Variants in DPP6 observed in about 807,000 individuals in gnomAD.
DPP6 encodes A-type potassium channel modulatory protein DPP6.
A neutral mutation model predicts 122.6 loss-of-function variants in DPP6; 69 were observed. The observed-to-expected ratio is 0.56, with a 90% CI of 0.46 to 0.69. The LOEUF (loss-of-function observed/expected upper bound fraction) is 0.69. DPP6 is among the 30% of genes least tolerant of loss of function. The pLI is 0.00. For synonymous variants in DPP6, 418 were observed against 433.1 expected (o/e 0.97, Z 0.43); for missense variants, 928 against 1,116.9 (o/e 0.83, Z 2.41).
intron 1 of DPP6, 92 bp downstream of exon 1, chr7:154,053,155 G>T (rs886738321): frequency 1.2e-6 from 1 of 801,526 alleles, no homozygotes; most frequent in Non-Finnish European, 1.5e-6. Flanking sequence ...TTTTTGGGGG[G>T]GGAATCAGGC....
chr7:154,334,322 G>A (rs975650821), intron 1 of DPP6, among the ~76,000 whole-genome samples: 3 of 152,314 alleles, frequency 2.0e-5, no homozygotes, highest in Non-Finnish European at 4.4e-5. Context: ...GGAAGGGAAA[G>A]CAGTAAGATG....
At chr7:154,536,098 T>C (rs2130184745) in intron 3 of DPP6, among the ~76,000 whole-genome samples, 1 of 152,336 alleles carries the variant, frequency 6.6e-6, no homozygotes. Flanking sequence ...TCCTATAGAT[T>C]ACTCCTTTGT....
At chr7:154,127,638 C>CACACACAG (rs1808013178) in intron 1 of DPP6, among the ~76,000 whole-genome samples, 5 of 109,094 alleles carry the variant, frequency 4.6e-5, no homozygotes, top group African/African-American at 1.7e-4. Flanking sequence ...CACACAGACA[C>CACACACAG]ACACACACAC....
chr7:154,118,366 G>A (rs1176563707), intron 1 of DPP6, among the ~76,000 whole-genome samples: 1 of 148,728 alleles, frequency 6.7e-6, no homozygotes, highest in African/African-American at 2.5e-5. Flanking sequence ...GGATGTGGTG[G>A]AAAATTGGGT....
intron 7 of DPP6, among the ~76,000 whole-genome samples, chr7:154,684,816 A>G (rs1208890533): frequency 6.6e-6 from 1 of 152,240 alleles, no homozygotes; most frequent in African/African-American, 2.4e-5. Context: ...GTTTAGTGGA[A>G]CTTGAGTCTT....
At chr7:154,127,606 C>CAT in intron 1 of DPP6, among the ~76,000 whole-genome samples, 1 of 59,794 alleles carries the variant, frequency 1.7e-5, no homozygotes, top group African/African-American at 6.4e-5. Context: ...CTCACACACA[C>CAT]ACACACACAC....
intron 1 of DPP6, among the ~76,000 whole-genome samples, chr7:153,942,843 C>A (rs142643993): frequency 6.6e-6 from 1 of 152,184 alleles, no homozygotes; most frequent in Non-Finnish European, 1.5e-5. Flanking sequence ...TTTTACCTGT[C>A]GCCTGCTTAT....
intron 16 of DPP6, among the ~76,000 whole-genome samples, chr7:154,812,217 G>A (rs1371776183): frequency 2.6e-5 from 4 of 152,170 alleles, no homozygotes; most frequent in African/African-American, 9.7e-5. Context: ...ATAAAATCAT[G>A]AAATTATAAC....
rs71182894 is a variant in DPP6 at position 154,320,001 on chromosome 7, A to AATATATATATAT, written c.244-126194_244-126183dup. Among the ~76,000 whole-genome samples, 868 of 139,110 alleles carry AATATATATATAT rather than the reference A, an allele frequency of 6.2e-3. 9 individuals carry two copies. Among genetic ancestry groups the AATATATATATAT allele is most frequent in the African/African-American group, 0.021 (747 of 36,034 alleles). The allele number at this position is 139,110 out of a possible 152,430, so 91.3% of individuals were successfully genotyped here. A position where few individuals can be genotyped will look rare whatever the true frequency, so the allele number is the denominator to read the frequency against. On this transcript the variant is annotated intron_variant, in intron 1 of 25. Coordinates refer to ENST00000377770, the MANE Select transcript of DPP6 (RefSeq NM_130797.4). ...GCAAGACTCTGTCTCAAATATTTCA[A>AATATATATATAT]ATATATATATATATATATATATATA... is the stretch of plus-strand genomic sequence containing the variant.
intron 1 of DPP6, among the ~76,000 whole-genome samples, chr7:154,100,273 GA>G (rs564492341): frequency 1.1e-5 from 1 of 91,868 alleles, no homozygotes. Flanking sequence ...AACATACACT[GA>G]AAAAAAAATC....
chr7:154,060,363 A>AGGATGC (rs1340618126), intron 1 of DPP6, among the ~76,000 whole-genome samples: 1 of 113,572 alleles, frequency 8.8e-6, no homozygotes. Context: ...AGGGACTGAG[A>AGGATGC]GCCAGCCCCT....
intron 2 of DPP6, among the ~76,000 whole-genome samples, chr7:154,465,027 C>T (rs1821663856): frequency 6.6e-6 from 1 of 152,058 alleles, no homozygotes; most frequent in Non-Finnish European, 1.5e-5. Context: ...AAAAATTATA[C>T]CAATATACTG....
intron 1 of DPP6, among the ~76,000 whole-genome samples, chr7:154,369,652 C>T (rs752398088): frequency 4.6e-5 from 7 of 152,204 alleles, no homozygotes; most frequent in Non-Finnish European, 1.0e-4. Context: ...AGGCGTGAGC[C>T]ACCACACCCA....
At chr7:154,785,808 G>A (rs1205912533) in intron 10 of DPP6, among the ~76,000 whole-genome samples, 2 of 152,170 alleles carry the variant, frequency 1.3e-5, no homozygotes, top group African/African-American at 4.8e-5. Context: ...ATAGAGCTAA[G>A]GAGTGCCCTG....
intron 2 of DPP6, among the ~76,000 whole-genome samples, chr7:154,460,173 G>C (rs1450740144): frequency 2.0e-5 from 3 of 151,700 alleles, no homozygotes; most frequent in Non-Finnish European, 2.9e-5. Context: ...ATAGAGACGG[G>C]GTTTCGCGAT....
intron 1 of DPP6, among the ~76,000 whole-genome samples, chr7:154,102,352 G>A (rs1805802736): frequency 6.6e-6 from 1 of 152,170 alleles, no homozygotes; most frequent in African/African-American, 2.4e-5. Context: ...AATACGCCCA[G>A]CTAATTTTTG....
chr7:154,378,877 C>G (rs1401698850), intron 1 of DPP6, among the ~76,000 whole-genome samples: 1 of 152,176 alleles, frequency 6.6e-6, no homozygotes, highest in Non-Finnish European at 1.5e-5. Context: ...GAAACTGCCA[C>G]ACAATTGTAA....
At chr7:154,823,410 C>A (rs1383837949) in intron 16 of DPP6, among the ~76,000 whole-genome samples, 1 of 152,002 alleles carries the variant, frequency 6.6e-6, no homozygotes, top group African/African-American at 2.4e-5. Flanking sequence ...AATTTTACAC[C>A]CTATACTTAA....
intron 1 of DPP6, among the ~76,000 whole-genome samples, chr7:154,169,978 C>G (rs1797452697): frequency 6.6e-6 from 1 of 152,158 alleles, no homozygotes; most frequent in African/African-American, 2.4e-5. Flanking sequence ...CCCACCTCGG[C>G]CTCCCAAAGT....
Sources: allele counts gnomAD v4.1 joint callset (sites outside exome capture counted in the v4.1 genomes callset), GRCh38; gene constraint gnomAD v4.1.1; transcripts MANE v1.5; gene names NCBI Gene and HGNC (gene_info 2026-07-23, HGNC 2026-07-21).